Variants in BLK observed in about 807,000 individuals in gnomAD.
BLK encodes the protein tyrosine-protein kinase Blk.
BLK carries 64 observed loss-of-function variants against 61.8 expected under a neutral mutation model. That is an observed-to-expected ratio of 1.03 (90% CI 0.85 to 1.27). The LOEUF is 1.27. Ranked by LOEUF, BLK falls within the 50% of genes most tolerant of loss-of-function variation. The pLI, the probability that BLK is intolerant of heterozygous loss-of-function variation, is 0.00. For missense variants in BLK, 853 were observed against 660.5 expected (o/e 1.29, Z -3.19); for synonymous variants, 351 against 272.0 (o/e 1.29, Z -2.86).
rs971170765 is a variant in BLK at position 11,548,915 on chromosome 8, C to G, written c.270-109C>G. 7 of 981,088 alleles carry G rather than the reference C, an allele frequency of 7.1e-6. No homozygotes were observed. In the Admixed American group the frequency reaches 1.2e-4, roughly 17 times the overall value. The allele number at this position is 981,088 out of a possible 1,614,324, so 60.8% of individuals were successfully genotyped here. On this transcript the variant is annotated intron_variant, in intron 4 of 12. Coordinates refer to ENST00000259089, the MANE Select transcript of BLK (RefSeq NM_001715.3). ...CTGCCTGCCGTACTCTCTACCCCTG[C>G]GGATTCTCTGCCCTCCAGGGAGAGA...
At chr8:11,495,725 T>G (rs570556666) in intron 1 of BLK, among the ~76,000 whole-genome samples, 1 of 152,318 alleles carries the variant, frequency 6.6e-6, no homozygotes, top group African/African-American at 2.4e-5. Flanking sequence ...ATTCGCATCC[T>G]GTATTGGATC....
At chr8:11,523,831 A>G (rs1467467875) in intron 1 of BLK, among the ~76,000 whole-genome samples, 1 of 97,698 alleles carries the variant, frequency 1.0e-5, no homozygotes, top group Admixed American at 1.3e-4. Context: ...GAGCAGATTG[A>G]CAGAGTTGTT....
intron 8 of BLK, chr8:11,555,971 C>A (rs925481878): frequency 2.9e-5 from 8 of 272,346 alleles, no homozygotes; most frequent in Non-Finnish European, 4.3e-5. Context: ...TTCCCCCCCC[C>A]GCCCACCAGG....
intron 1 of BLK, among the ~76,000 whole-genome samples, chr8:11,514,212 G>C (rs76936951): frequency 0.014 from 2,199 of 152,288 alleles, 54 homozygotes; most frequent in African/African-American, 0.047. Flanking sequence ...CTGTCACTGA[G>C]TCTAACGGTT....
chr8:11,524,318 C>T (rs1294342099), intron 1 of BLK, among the ~76,000 whole-genome samples: 1 of 152,158 alleles, frequency 6.6e-6, no homozygotes, highest in East Asian at 1.9e-4. Flanking sequence ...TGAACATTCA[C>T]AACGATTTTC....
At chr8:11,516,668 G>A (rs1293452430) in intron 1 of BLK, among the ~76,000 whole-genome samples, 1 of 152,184 alleles carries the variant, frequency 6.6e-6, no homozygotes, top group Non-Finnish European at 1.5e-5. Context: ...CTTCATTTAG[G>A]TGGAATCATA....
At chr8:11,562,881 G>A in intron 11 of BLK, 98 bp from the exon 12 acceptor site, 3 of 1,564,150 alleles carry the variant, frequency 1.9e-6, no homozygotes, top group South Asian at 1.1e-5. Flanking sequence ...CGCAGTGGGG[G>A]CTTGATGGAA....
At chr8:11,528,267 G>A (rs575842705) in intron 1 of BLK, among the ~76,000 whole-genome samples, 229 of 152,192 alleles carry the variant, frequency 1.5e-3, no homozygotes, top group African/African-American at 5.1e-3. Context: ...GAACTCCTGA[G>A]CTCAAGTGAT....
At chr8:11,505,403 C>A (rs1024802539) in intron 1 of BLK, among the ~76,000 whole-genome samples, 2 of 152,188 alleles carry the variant, frequency 1.3e-5, no homozygotes, top group African/African-American at 4.8e-5. Flanking sequence ...TCCCTGAGCA[C>A]AGCATGGTGA....
At chr8:11,560,659 T>G (rs577563149) in intron 10 of BLK, 16 of 353,656 alleles carry the variant, frequency 4.5e-5, no homozygotes, top group African/African-American at 2.4e-4. Context: ...GAGACAAGTC[T>G]CTTCTTCTTC....
At chr8:11,506,743 T>C (rs115028908) in intron 1 of BLK, among the ~76,000 whole-genome samples, 80 of 152,276 alleles carry the variant, frequency 5.3e-4, no homozygotes, top group African/African-American at 1.9e-3. Flanking sequence ...GAATGTCATG[T>C]CAGCCTCTGA....
intron 1 of BLK, among the ~76,000 whole-genome samples, chr8:11,542,676 A>G (rs2245327): frequency 0.99 from 151,518 of 152,334 alleles, 75,357 homozygotes; most frequent in East Asian, 1. Flanking sequence ...CTGTGAGGCC[A>G]CAGCTAGGCC....
chr8:11,555,618 G>T, intron 8 of BLK, 134 bp downstream of exon 8: 1 of 1,388,050 alleles, frequency 7.2e-7, no homozygotes, highest in South Asian at 1.2e-5. Flanking sequence ...CAGAGGCGAG[G>T]ACACTCATTT....
intron 6 of BLK, among the ~76,000 whole-genome samples, chr8:11,553,781 G>A (rs575777999): frequency 2.1e-4 from 32 of 152,302 alleles, no homozygotes; most frequent in Non-Finnish European, 4.0e-4. Flanking sequence ...GCAAGTAGGT[G>A]ATGAGAGAGG....
intron 1 of BLK, among the ~76,000 whole-genome samples, chr8:11,495,011 C>T (rs933301906): frequency 2.0e-5 from 3 of 152,320 alleles, no homozygotes; most frequent in African/African-American, 4.8e-5. Flanking sequence ...GAGCATCTGG[C>T]TCAAGGCAAA....
intron 1 of BLK, among the ~76,000 whole-genome samples, chr8:11,539,319 C>G (rs1585381200): frequency 6.6e-6 from 1 of 152,200 alleles, no homozygotes; most frequent in African/African-American, 2.4e-5. Flanking sequence ...CGAAATTCCT[C>G]TTGACCTCAC....
intron 3 of BLK, among the ~76,000 whole-genome samples, chr8:11,546,584 G>T (rs4841552): frequency 0.53 from 80,056 of 151,492 alleles, 21,890 homozygotes; most frequent in East Asian, 0.99. Flanking sequence ...ACTCCACTTG[G>T]TTTTTTTTGA....
intron 1 of BLK, among the ~76,000 whole-genome samples, chr8:11,504,431 C>G (rs1002255108): frequency 2.1e-5 from 3 of 142,538 alleles, no homozygotes; most frequent in Non-Finnish European, 4.5e-5. Flanking sequence ...AGAAAAGATC[C>G]CATTCACCTG....
intron 1 of BLK, among the ~76,000 whole-genome samples, chr8:11,520,619 A>T (rs567941806): frequency 6.6e-6 from 1 of 152,262 alleles, no homozygotes; most frequent in African/African-American, 2.4e-5. Context: ...CTTCCTAGAT[A>T]TCTTCTGCAA....
Sources: gnomAD v4.1 joint callset for allele counts (sites outside exome capture counted in the v4.1 genomes callset) on GRCh38, gnomAD v4.1.1 for gene constraint, MANE v1.5 for transcripts, NCBI Gene and HGNC (gene_info 2026-07-23, HGNC 2026-07-21) for gene names.